Variants in ADA observed in about 807,000 individuals in gnomAD.
ADA encodes adenosine aminohydrolase.
In ADA, 45 loss-of-function variants were observed where a neutral mutation model predicts 49.0. The ratio of observed to expected loss-of-function variants is 0.92; its 90% CI spans 0.72 to 1.18. The LOEUF (loss-of-function observed/expected upper bound fraction) is 1.18. Among genes scored for constraint, ADA ranks in the 50% most tolerant of loss-of-function variants. The probability of loss-of-function intolerance (pLI) is 0.00; values close to 1 mark genes in which losing one functional copy is unlikely to be tolerated. For missense variants in ADA, 445 were observed against 472.5 expected (o/e 0.94, Z 0.54); for synonymous variants, 173 against 184.2 (o/e 0.94, Z 0.49).
intron 2 of ADA, among the ~76,000 whole-genome samples, chr20:44,634,693 CAGA>C (rs1200920466): frequency 6.6e-6 from 1 of 152,234 alleles, no homozygotes; most frequent in Non-Finnish European, 1.5e-5. Context: ...CTTCCTGGGG[CAGA>C]AGAAGGTCCC....
intron 3 of ADA, 52 bp from the exon 4 acceptor site, chr20:44,626,651 G>T: frequency 6.2e-7 from 1 of 1,607,394 alleles, no homozygotes. Context: ...TCCCTTGGGA[G>T]CTCCAGGAGC....
intron 2 of ADA, among the ~76,000 whole-genome samples, chr20:44,631,722 T>A (rs532837357): frequency 3.4e-4 from 52 of 152,274 alleles, no homozygotes; most frequent in Non-Finnish European, 6.5e-4. Flanking sequence ...CCAGGCCAAC[T>A]CATCTCCTTT....
At chr20:44,633,061 T>C (rs2065448085) in intron 2 of ADA, among the ~76,000 whole-genome samples, 1 of 152,210 alleles carries the variant, frequency 6.6e-6, no homozygotes, top group South Asian at 2.1e-4. Context: ...CTGGTCCTCT[T>C]CCGGCCTTGG....
Position 44,619,853 on chromosome 20 carries a change from C to A in ADA, c.1079-6G>T. ...GCGTCTTCAGAGGTTCTGCCCTGCT[C>A]GTTGGTTCAGAGAAGCAAAAAGATC... On this transcript the variant is annotated splice_polypyrimidine_tract_variant and splice_region_variant and intron_variant, in intron 11 of 11. Transcript: ENST00000372874. 6.2e-7 allele frequency: 1 copy of A among 1,614,102 alleles called. No homozygotes were observed. The highest frequency in any genetic ancestry group is 1.1e-5 in the South Asian group (1 of 91,062).
chr20:44,631,177 T>C (rs2145328698), intron 2 of ADA, among the ~76,000 whole-genome samples: 1 of 152,320 alleles, frequency 6.6e-6, no homozygotes, highest in South Asian at 2.1e-4. Flanking sequence ...CCCCTGAATG[T>C]GCTCCCTTCC....
chr20:44,623,104 G>A (rs1307109981), intron 6 of ADA, 26 bp from the exon 7 acceptor site: 2 of 1,613,544 alleles, frequency 1.2e-6, no homozygotes, highest in Non-Finnish European at 1.7e-6. Context: ...CCAGGTCATG[G>A]GTGCCCTAGC....
chr20:44,629,206 G>C (rs761793959), intron 2 of ADA, 37 bp from the exon 3 acceptor site: 2 of 1,613,758 alleles, frequency 1.2e-6, no homozygotes, highest in Non-Finnish European at 1.7e-6. Context: ...CCAACCCGGG[G>C]CAGGATCCAG....
Position 44,621,056 on chromosome 20 carries a change from G to T in ADA, c.937C>A (p.Arg313=), listed in dbSNP as rs79249850. The change falls in exon 10 of 12, where the codon CGG becomes AGG. Residue 313 remains arginine (R), a synonymous_variant. Transcript: ENST00000372874. ...TCCTCTTCAGTAAAGCCCATGTCCC[G>T]TTTGGTCATCTGGTAATCAGTGTCC... ...TLDTDYQMTK[R]DMGFTEEEFK... is the part of the protein sequence containing the mutation. 40 of 1,614,010 alleles carry T rather than the reference G, an allele frequency of 2.5e-5. No homozygotes were observed. In the Admixed American group the frequency reaches 6.3e-4, roughly 26 times the overall value.
chr20:44,620,951 G>A (rs1034047009), intron 10 of ADA, 67 bp downstream of exon 10: 21 of 1,607,352 alleles, frequency 1.3e-5, no homozygotes, highest in African/African-American at 8.0e-5. Context: ...TCCAGGCCCC[G>A]GACTGGACCT....
intron 1 of ADA, among the ~76,000 whole-genome samples, chr20:44,649,717 G>T (rs950823332): frequency 2.0e-5 from 3 of 147,354 alleles, no homozygotes; most frequent in African/African-American, 5.1e-5. Context: ...CAACATGTTC[G>T]CAATCAAGGA....
intron 2 of ADA, among the ~76,000 whole-genome samples, chr20:44,631,085 TGTAA>T (rs1436112501): frequency 2.6e-5 from 4 of 152,330 alleles, no homozygotes; most frequent in African/African-American, 7.2e-5. Flanking sequence ...TTTTAGTGTA[TGTAA>T]GTAAGTTTGT....
intron 1 of ADA, among the ~76,000 whole-genome samples, chr20:44,645,152 G>T (rs2145355693): frequency 6.6e-6 from 1 of 152,218 alleles, no homozygotes; most frequent in East Asian, 1.9e-4. Flanking sequence ...GGAGGCTGAG[G>T]TGGGTGGATC....
At position 44,619,832 on chromosome 20, in the gene ADA, C is replaced by T. The variant is rs2065310667; in HGVS notation, c.*2G>A. The T allele has an allele frequency of 1.2e-6, 2 of 1,614,030 alleles. No homozygotes were observed. The highest frequency in any genetic ancestry group is 2.2e-5 in the East Asian group (1 of 44,894). ...GGGTGAAGGCTTGGAGGAGTGGCGT[C>T]TTCAGAGGTTCTGCCCTGCTCGTTG... On this transcript the variant is annotated 3_prime_UTR_variant, in exon 12 of 12. Coordinates refer to ENST00000372874, the MANE Select transcript of ADA (RefSeq NM_000022.4).
chr20:44,647,840 T>G (rs1443007270), intron 1 of ADA, among the ~76,000 whole-genome samples: 1 of 151,696 alleles, frequency 6.6e-6, no homozygotes, highest in Non-Finnish European at 1.5e-5. Flanking sequence ...TGGCTTGAAC[T>G]CGGGAGGTGG....
intron 1 of ADA, among the ~76,000 whole-genome samples, chr20:44,646,687 T>A (rs974788370): frequency 3.9e-5 from 6 of 152,000 alleles, no homozygotes; most frequent in African/African-American, 1.5e-4. Flanking sequence ...CTACCTGAGG[T>A]ACCCTAGCTG....
At position 44,621,151 on chromosome 20, in the gene ADA, C is replaced by A. The variant is rs190025663; in HGVS notation, c.846-4G>T. On this transcript the variant is annotated splice_region_variant and splice_polypyrimidine_tract_variant and intron_variant, in intron 9 of 11. Transcript: ENST00000372874. ...GTTAGCCTGGTCATTTTTGAGCCTGCAGAAGAGGGAGGAGGAGAGAATCAG... is the reference window on the plus strand; with the variant it reads ...GTTAGCCTGGTCATTTTTGAGCCTGAAGAAGAGGGAGGAGGAGAGAATCAG... 1 of 1,614,130 alleles carries A rather than the reference C, an allele frequency of 6.2e-7. No individual in the cohort carries two copies. The highest frequency in any genetic ancestry group is 2.2e-5 in the East Asian group (1 of 44,878).
chr20:44,620,873 T>C, intron 10 of ADA, 145 bp downstream of exon 10: 2 of 1,119,154 alleles, frequency 1.8e-6, no homozygotes, highest in South Asian at 1.3e-5. Flanking sequence ...ATGTCTTCTC[T>C]GTGGAAAGTG....
chr20:44,634,939 T>G (rs2065466291), intron 2 of ADA, among the ~76,000 whole-genome samples: 2 of 152,224 alleles, frequency 1.3e-5, no homozygotes, highest in South Asian at 2.1e-4. Context: ...CCAAACAAAA[T>G]GAGTGTTGTG....
chr20:44,636,811 C>CT (rs11484329), intron 1 of ADA, among the ~76,000 whole-genome samples: 102 of 151,982 alleles, frequency 6.7e-4, no homozygotes, highest in Middle Eastern at 3.4e-3. Context: ...TTTTCGTTTT[C>CT]TTTTTTTTGA....
Sources: gnomAD v4.1 joint callset for allele counts (sites outside exome capture counted in the v4.1 genomes callset) on GRCh38, gnomAD v4.1.1 for gene constraint, MANE v1.5 for transcripts, NCBI Gene and HGNC (gene_info 2026-07-23, HGNC 2026-07-21) for gene names.